LMNB1: variants seen among roughly 807,000 people sequenced by gnomAD.
The protein encoded by LMNB1 is lamin B1.
Under a neutral mutation model 67.1 loss-of-function variants are expected in LMNB1, and 23 were observed. The ratio of observed to expected loss-of-function variants is 0.34; its 90% CI spans 0.25 to 0.49. The LOEUF is 0.49. LMNB1 is among the 20% of genes least tolerant of loss of function. The pLI, the probability that LMNB1 is intolerant of heterozygous loss-of-function variation, is 0.99. For synonymous variants in LMNB1, 281 were observed against 282.9 expected (o/e 0.99, Z 0.07); for missense variants, 634 against 746.5 (o/e 0.85, Z 1.76).
At chr5:126,789,622 C>T (rs1312552730) in intron 1 of LMNB1, among the ~76,000 whole-genome samples, 1 of 152,186 alleles carries the variant, frequency 6.6e-6, no homozygotes, top group Non-Finnish European at 1.5e-5. Flanking sequence ...ATCCTTTATT[C>T]AGTCCCGTTT....
intron 1 of LMNB1, among the ~76,000 whole-genome samples, chr5:126,779,253 G>A (rs1476436822): frequency 6.6e-6 from 1 of 152,188 alleles, no homozygotes; most frequent in Non-Finnish European, 1.5e-5. Context: ...GGTTTGTAGC[G>A]AAAAACGATA....
Position 126,836,305 on chromosome 5 carries a change from T to C in LMNB1, c.*41T>C, listed in dbSNP as rs1313788032. On this transcript the variant is annotated 3_prime_UTR_variant, in exon 11 of 11. Transcript: ENST00000261366. ...TCCTCAAAATAAAGAAGTATGGTAA[T>C]CTTTACCTGTATACAGTGCAGAGCC... 7.3e-6 allele frequency: 10 copies of C among 1,378,390 alleles called. No individual in the cohort carries two copies. The highest frequency in any genetic ancestry group is 1.4e-5 in the African/African-American group (1 of 70,314). 85.4% of individuals were successfully genotyped at this position (1,378,390 alleles called of 1,614,324 possible).
chr5:126,829,355 G>A (rs967022297), intron 9 of LMNB1, among the ~76,000 whole-genome samples: 2 of 151,826 alleles, frequency 1.3e-5, no homozygotes, highest in African/African-American at 4.8e-5. Flanking sequence ...CCAGAGGTAC[G>A]TCTTTTCTAT....
At chr5:126,821,338 AT>A (rs1751864536) in intron 7 of LMNB1, among the ~76,000 whole-genome samples, 1 of 152,174 alleles carries the variant, frequency 6.6e-6, no homozygotes, top group South Asian at 2.1e-4. Context: ...TAGTTTAAAG[AT>A]TTGCTTCATT....
intron 5 of LMNB1, among the ~76,000 whole-genome samples, chr5:126,816,169 A>G (rs542725633): frequency 1.3e-5 from 2 of 152,200 alleles, no homozygotes; most frequent in South Asian, 4.1e-4. Flanking sequence ...TTCTCCATTT[A>G]TAGCATGATT....
chr5:126,832,856 T>G (rs1752167807), intron 10 of LMNB1, 55 bp downstream of exon 10: 2 of 1,208,456 alleles, frequency 1.7e-6, no homozygotes, highest in African/African-American at 3.2e-5. Context: ...CAGAATTACA[T>G]GAAGACCAAG....
intron 1 of LMNB1, among the ~76,000 whole-genome samples, chr5:126,789,577 A>G (rs1381563142): frequency 6.6e-6 from 1 of 152,148 alleles, no homozygotes; most frequent in African/African-American, 2.4e-5. Flanking sequence ...ATCTCATACC[A>G]CAGTTGAACT....
intron 7 of LMNB1, among the ~76,000 whole-genome samples, chr5:126,821,975 A>C (rs920796414): frequency 6.6e-6 from 1 of 151,746 alleles, no homozygotes; most frequent in East Asian, 1.9e-4. Context: ...CAACAGTTTT[A>C]ATGCTAAAGA....
intron 5 of LMNB1, among the ~76,000 whole-genome samples, chr5:126,815,423 G>C (rs1328467204): frequency 6.6e-6 from 1 of 152,166 alleles, no homozygotes; most frequent in Non-Finnish European, 1.5e-5. Flanking sequence ...GAATTGGTTG[G>C]TTAGAGTCTG....
At chr5:126,782,006 A>C (rs1261937262) in intron 1 of LMNB1, among the ~76,000 whole-genome samples, 1 of 152,228 alleles carries the variant, frequency 6.6e-6, no homozygotes, top group Non-Finnish European at 1.5e-5. Context: ...GATTCAGTCC[A>C]AGACTGATTA....
rs1416742680 is a variant in LMNB1 at position 126,817,909 on chromosome 5, G to C, written c.940-1013G>C. On this transcript the variant is annotated intron_variant, in intron 5 of 10. Transcript: ENST00000261366. ...TTCTGAGGCTACTGAGATGAATTCT[G>C]TCATGGAGAAACACAGAAGAATAAT... Among the ~76,000 whole-genome samples, 4 of 152,166 alleles carry C rather than the reference G, an allele frequency of 2.6e-5. No individual in the cohort carries two copies. The East Asian group carries it at 7.7e-4, about 29-fold the overall frequency.
Position 126,818,942 on chromosome 5 carries a change from G to A in LMNB1, c.960G>A (p.Arg320=). 6.2e-7 allele frequency: 1 copy of A among 1,613,674 alleles called. No homozygotes were observed. Among genetic ancestry groups the A allele is most frequent in the Non-Finnish European group, 8.5e-7 (1 of 1,179,604 alleles). ...LQKESRACLE[R]IQELEDLLAK... ...TTAAGTCTAGAGCATGTTTGGAAAG[G>A]ATTCAAGAATTAGAGGACTTGCTTG... The change falls in exon 6 of 11, where the codon AGG becomes AGA. Residue 320 remains arginine, a synonymous_variant. Coordinates refer to ENST00000261366, the MANE Select transcript of LMNB1 (RefSeq NM_005573.4).
chr5:126,782,516 T>C (rs1327565352), intron 1 of LMNB1, among the ~76,000 whole-genome samples: 1 of 152,182 alleles, frequency 6.6e-6, no homozygotes, highest in African/African-American at 2.4e-5. Flanking sequence ...TTTCAAACTC[T>C]GGAAGTATAG....
At chr5:126,796,775 CTTT>C (rs1239987235) in intron 1 of LMNB1, among the ~76,000 whole-genome samples, 1 of 137,212 alleles carries the variant, frequency 7.3e-6, no homozygotes, top group South Asian at 2.3e-4. Flanking sequence ...TTTTCTTTTT[CTTT>C]TTTCTTTCTT....
intron 8 of LMNB1, among the ~76,000 whole-genome samples, chr5:126,823,920 G>C (rs143695835): frequency 1.6e-4 from 24 of 152,242 alleles, no homozygotes; most frequent in African/African-American, 5.8e-4. Flanking sequence ...GTATAATGTG[G>C]TAAAAAGAAT....
chr5:126,831,533 T>C (rs1030338378), intron 9 of LMNB1, among the ~76,000 whole-genome samples: 2 of 152,250 alleles, frequency 1.3e-5, no homozygotes, highest in African/African-American at 4.8e-5. Flanking sequence ...TGGTAAATAG[T>C]GTACAGTGTT....
At chr5:126,835,328 G>A (rs566126827) in intron 10 of LMNB1, among the ~76,000 whole-genome samples, 15 of 152,292 alleles carry the variant, frequency 9.8e-5, no homozygotes, top group Admixed American at 9.2e-4. Context: ...AAATATTTTG[G>A]TGACCTTCAA....
intron 5 of LMNB1, among the ~76,000 whole-genome samples, chr5:126,817,647 A>AAG (rs1751746517): frequency 6.6e-6 from 1 of 152,098 alleles, no homozygotes; most frequent in Non-Finnish European, 1.5e-5. Flanking sequence ...TCATCCATTT[A>AAG]CTTATCTGTT....
rs542182628 is a variant in LMNB1, at chr5:126,803,247, T to A, written c.360-1529T>A. Among the ~76,000 whole-genome samples the A allele has an allele frequency of 2.6e-5, 4 of 152,130 alleles. No individual in the cohort carries two copies. The South Asian group carries it at 8.3e-4, about 32-fold the overall frequency. ...TCAGTTTGAACCTCAGCTTGTTTTTTGTTTTTGTTGTTTTTGAGACGGAGT... is the reference window on the plus strand; with the variant it reads ...TCAGTTTGAACCTCAGCTTGTTTTTAGTTTTTGTTGTTTTTGAGACGGAGT... On this transcript the variant is annotated intron_variant, in intron 1 of 10. Coordinates refer to ENST00000261366, the MANE Select transcript of LMNB1 (RefSeq NM_005573.4).
Sources: gnomAD v4.1 joint callset for allele counts (sites outside exome capture counted in the v4.1 genomes callset) on GRCh38, gnomAD v4.1.1 for gene constraint, MANE v1.5 for transcripts, NCBI Gene and HGNC (gene_info 2026-07-23, HGNC 2026-07-21) for gene names.